ARB2A: variants seen among roughly 807,000 people sequenced by gnomAD.
ARB2A encodes the protein cotranscriptional regulator ARB2A.
At chr5:93,777,528 T>C in the ARB2A span, among the ~76,000 whole-genome samples, 4 of 152,094 alleles carry the variant, frequency 2.6e-5, no homozygotes, top group African/African-American at 4.8e-5. Context: ...TTCTAAAAAA[T>C]GTCTCAACAC....
At chr5:93,693,023 T>A in the ARB2A span, among the ~76,000 whole-genome samples, 1 of 152,196 alleles carries the variant, frequency 6.6e-6, no homozygotes, top group South Asian at 2.1e-4. Context: ...AGACACAATG[T>A]ACCAGAATCT....
the ARB2A span, among the ~76,000 whole-genome samples, chr5:93,693,774 T>A: frequency 6.6e-6 from 1 of 152,162 alleles, no homozygotes; most frequent in South Asian, 2.1e-4. Context: ...CTCATGAACA[T>A]CGATGCGAAA....
the ARB2A span, among the ~76,000 whole-genome samples, chr5:94,069,039 A>AAGATAGATAGATAGATAGGTAGAT: frequency 5.7e-5 from 8 of 140,394 alleles, no homozygotes; most frequent in African/African-American, 2.1e-4. Flanking sequence ...CTGTCTTAAA[A>AAGATAGATAGATAGATAGGTAGAT]AGATAGATAG....
At chr5:93,830,311 G>GTGTATATATA in the ARB2A span, among the ~76,000 whole-genome samples, 6 of 82,258 alleles carry the variant, frequency 7.3e-5, no homozygotes, top group African/African-American at 1.6e-4. Context: ...GTGTGTGTGT[G>GTGTATATATA]TATATATATA....
At chr5:93,858,617 C>CT in the ARB2A span, among the ~76,000 whole-genome samples, 1 of 152,206 alleles carries the variant, frequency 6.6e-6, no homozygotes, top group Non-Finnish European at 1.5e-5. Flanking sequence ...AACTGACACT[C>CT]TTAACTACTT....
At chr5:93,662,154 CT>C in the ARB2A span, among the ~76,000 whole-genome samples, 2 of 152,126 alleles carry the variant, frequency 1.3e-5, no homozygotes, top group Non-Finnish European at 2.9e-5. Context: ...GTCTAATTGG[CT>C]TATGTTAAGA....
chr5:94,050,615 A>G, the ARB2A span: 20 of 775,818 alleles, frequency 2.6e-5, no homozygotes, highest in African/African-American at 3.4e-4. Flanking sequence ...AAAAACAAAA[A>G]CCTTTTTGGA....
the ARB2A span, among the ~76,000 whole-genome samples, chr5:93,830,962 A>G: frequency 6.6e-6 from 1 of 152,192 alleles, no homozygotes; most frequent in African/African-American, 2.4e-5. Flanking sequence ...ACAGATCGTC[A>G]GGCATTAGAT....
chr5:93,643,562 T>G, the ARB2A span, among the ~76,000 whole-genome samples: 2 of 152,188 alleles, frequency 1.3e-5, no homozygotes, highest in African/African-American at 4.8e-5. Context: ...TGGCATGATC[T>G]CAGCTCACTG....
chr5:94,035,503 T>C, the ARB2A span, among the ~76,000 whole-genome samples: 3 of 152,158 alleles, frequency 2.0e-5, no homozygotes, highest in African/African-American at 7.2e-5. Context: ...TGCACCACTA[T>C]CAATGTAACA....
chr5:93,856,886 C>A, the ARB2A span, among the ~76,000 whole-genome samples: 1 of 151,984 alleles, frequency 6.6e-6, no homozygotes, highest in African/African-American at 2.4e-5. Context: ...AGTTTTTCTG[C>A]TCTGTTTTTT....
At chr5:93,776,082 C>G in the ARB2A span, 1 of 1,180,268 alleles carries the variant, frequency 8.5e-7, no homozygotes, top group East Asian at 2.5e-5. Flanking sequence ...ATTCACAAAA[C>G]AGAATTCTAC....
the ARB2A span, among the ~76,000 whole-genome samples, chr5:93,975,649 T>C: frequency 2.0e-4 from 30 of 152,222 alleles, no homozygotes; most frequent in Admixed American, 1.3e-3. Flanking sequence ...GAGACTACTA[T>C]ATACATCTCT....
the ARB2A span, among the ~76,000 whole-genome samples, chr5:93,904,028 G>A: frequency 6.6e-6 from 1 of 151,804 alleles, no homozygotes; most frequent in African/African-American, 2.4e-5. Flanking sequence ...GGAGGTACAG[G>A]CAGAAACAGA....
At chr5:93,763,112 T>TG in the ARB2A span, among the ~76,000 whole-genome samples, 1 of 151,718 alleles carries the variant, frequency 6.6e-6, no homozygotes, top group South Asian at 2.1e-4. Context: ...GTAAAGACCA[T>TG]CGAGACTAGG....
the ARB2A span, among the ~76,000 whole-genome samples, chr5:94,041,892 A>C: frequency 6.6e-6 from 1 of 152,082 alleles, no homozygotes; most frequent in Admixed American, 6.6e-5. Flanking sequence ...TAGTCTCCAC[A>C]TCTAGCACAT....
chr5:93,881,589 G>A, the ARB2A span: 3 of 1,610,410 alleles, frequency 1.9e-6, no homozygotes, highest in Non-Finnish European at 2.5e-6. Flanking sequence ...TTTTCTGCTG[G>A]TTCATCTGAA....
At chr5:93,779,309 A>G in the ARB2A span, among the ~76,000 whole-genome samples, 2 of 152,216 alleles carry the variant, frequency 1.3e-5, no homozygotes, top group Non-Finnish European at 2.9e-5. Flanking sequence ...TATTTTATCA[A>G]ATCTAACTCC....
At chr5:93,878,179 G>A in the ARB2A span, among the ~76,000 whole-genome samples, 45 of 148,974 alleles carry the variant, frequency 3.0e-4, no homozygotes, top group East Asian at 8.7e-3. Context: ...TTTCCTCATA[G>A]AAAATCAAGC....
Sources: gnomAD v4.1 joint callset for allele counts (sites outside exome capture counted in the v4.1 genomes callset) on GRCh38, gnomAD v4.1.1 for gene constraint, MANE v1.5 for transcripts, NCBI Gene and HGNC (gene_info 2026-07-23, HGNC 2026-07-21) for gene names.